SCHIP1: variants seen among roughly 807,000 people sequenced by gnomAD.
The protein encoded by SCHIP1 is schwannomin interacting protein 1.
SCHIP1 carries 8 observed loss-of-function variants against 29.7 expected under a neutral mutation model. That is an observed-to-expected ratio of 0.27 (90% CI 0.16 to 0.49). The LOEUF is 0.49. Ranked by LOEUF, SCHIP1 falls within the 20% of genes least tolerant of loss-of-function variation. The pLI is 0.99. For synonymous variants in SCHIP1, 76 were observed against 94.9 expected, an observed-to-expected ratio of 0.80 and a Z score of 1.16; for missense variants, 193 against 294.6, an observed-to-expected ratio of 0.66 and a Z score of 2.52.
At chr3:159,790,049 C>G in the SCHIP1 span, among the ~76,000 whole-genome samples, 12 of 152,254 alleles carry the variant, frequency 7.9e-5, no homozygotes, top group Non-Finnish European at 1.3e-4. Context: ...TCAGTTCCTG[C>G]CCAAGGCCCC....
chr3:159,697,898 T>C, the SCHIP1 span, among the ~76,000 whole-genome samples: 1 of 152,220 alleles, frequency 6.6e-6, no homozygotes, highest in Admixed American at 6.5e-5. Context: ...TACAGTGTGA[T>C]GGAGCAATTA....
chr3:159,357,617 AGG>A, the SCHIP1 span, among the ~76,000 whole-genome samples: 2 of 152,224 alleles, frequency 1.3e-5, no homozygotes, highest in African/African-American at 2.4e-5. Flanking sequence ...TCTGAAACAA[AGG>A]TCCTTTATTC....
At chr3:159,407,413 G>A in the SCHIP1 span, among the ~76,000 whole-genome samples, 4,131 of 152,270 alleles carry the variant, frequency 0.027, 75 homozygotes, top group East Asian at 0.11. Flanking sequence ...GGTAAAGAGA[G>A]AGATGGGCCC....
the SCHIP1 span, among the ~76,000 whole-genome samples, chr3:159,493,313 G>C: frequency 6.6e-6 from 1 of 152,150 alleles, no homozygotes. Context: ...TGGCAAATTG[G>C]ATAAAGAGTC....
chr3:159,672,946 A>T, the SCHIP1 span, among the ~76,000 whole-genome samples: 1 of 152,198 alleles, frequency 6.6e-6, no homozygotes, highest in Non-Finnish European at 1.5e-5. Flanking sequence ...TTCTAATACA[A>T]CATGCCCCTC....
At chr3:159,450,807 C>CT in the SCHIP1 span, among the ~76,000 whole-genome samples, 23,777 of 122,960 alleles carry the variant, frequency 0.19, 2,685 homozygotes, top group South Asian at 0.32. Context: ...ATTTAGTATT[C>CT]TTTTTTTTTT....
the SCHIP1 span, among the ~76,000 whole-genome samples, chr3:159,584,613 G>A: frequency 6.6e-5 from 10 of 152,100 alleles, no homozygotes; most frequent in Non-Finnish European, 1.3e-4. Flanking sequence ...TAGGGGCCCA[G>A]CAATACCATC....
chr3:159,642,062 G>A, the SCHIP1 span, among the ~76,000 whole-genome samples: 1 of 152,022 alleles, frequency 6.6e-6, no homozygotes, highest in Non-Finnish European at 1.5e-5. Flanking sequence ...CCCACTTATG[G>A]ACTCTGTGAT....
At chr3:159,695,099 C>A in the SCHIP1 span, among the ~76,000 whole-genome samples, 1 of 152,148 alleles carries the variant, frequency 6.6e-6, no homozygotes, top group African/African-American at 2.4e-5. Context: ...ATTAATAGAT[C>A]CAACAAATAT....
the SCHIP1 span, among the ~76,000 whole-genome samples, chr3:159,832,207 C>A: frequency 6.6e-6 from 1 of 152,178 alleles, no homozygotes; most frequent in African/African-American, 2.4e-5. Flanking sequence ...ACCCAGCCAT[C>A]TGTGCTCCTG....
the SCHIP1 span, among the ~76,000 whole-genome samples, chr3:159,488,422 T>C: frequency 6.6e-6 from 1 of 152,158 alleles, no homozygotes; most frequent in East Asian, 1.9e-4. Flanking sequence ...TGTATCGCTG[T>C]ATCAAAATAT....
intron 2 of SCHIP1, among the ~76,000 whole-genome samples, chr3:159,867,866 A>C (rs1018460783): frequency 1.3e-5 from 2 of 151,738 alleles, no homozygotes; most frequent in African/African-American, 4.8e-5. Context: ...ACTGCTCTCT[A>C]ATATTTCCCA....
the SCHIP1 span, among the ~76,000 whole-genome samples, chr3:159,679,918 A>T: frequency 6.6e-6 from 1 of 152,068 alleles, no homozygotes; most frequent in Non-Finnish European, 1.5e-5. Context: ...CTCTTCCTGG[A>T]GTGTTCCACT....
At chr3:159,451,025 GT>G in the SCHIP1 span, among the ~76,000 whole-genome samples, 1 of 152,004 alleles carries the variant, frequency 6.6e-6, no homozygotes, top group Non-Finnish European at 1.5e-5. Flanking sequence ...AGCCAGGATG[GT>G]CTTGATCTCC....
the SCHIP1 span, among the ~76,000 whole-genome samples, chr3:159,729,070 C>G: frequency 6.6e-6 from 1 of 151,970 alleles, no homozygotes; most frequent in Non-Finnish European, 1.5e-5. Flanking sequence ...ATCACTTGAA[C>G]CCGGGAGGCA....
the SCHIP1 span, among the ~76,000 whole-genome samples, chr3:159,682,467 A>G: frequency 6.6e-6 from 1 of 152,348 alleles, no homozygotes; most frequent in South Asian, 2.1e-4. Flanking sequence ...GGGTACAGTG[A>G]TATCAGTGAA....
At chr3:159,809,444 A>G in the SCHIP1 span, among the ~76,000 whole-genome samples, 1 of 152,126 alleles carries the variant, frequency 6.6e-6, no homozygotes, top group Middle Eastern at 3.2e-3. Flanking sequence ...GCCACAATAA[A>G]CATACATGTG....
chr3:159,334,724 G>A, the SCHIP1 span, among the ~76,000 whole-genome samples: 1 of 152,056 alleles, frequency 6.6e-6, no homozygotes, highest in Non-Finnish European at 1.5e-5. Context: ...AATTGTTTGT[G>A]CCTTTATATT....
chr3:159,325,966 A>G, the SCHIP1 span, among the ~76,000 whole-genome samples: 1 of 152,128 alleles, frequency 6.6e-6, no homozygotes, highest in East Asian at 1.9e-4. Context: ...TTTATGACAG[A>G]CAACATGATT....
Sources: allele counts gnomAD v4.1 joint callset (sites outside exome capture counted in the v4.1 genomes callset), GRCh38; gene constraint gnomAD v4.1.1; transcripts MANE v1.5; gene names NCBI Gene and HGNC (gene_info 2026-07-23, HGNC 2026-07-21).